Variants in USP10 observed in about 807,000 individuals in gnomAD.
USP10 encodes the protein ubiquitin specific peptidase 10.
Under a neutral mutation model 84.5 loss-of-function variants are expected in USP10, and 22 were observed. The ratio of observed to expected loss-of-function variants is 0.26; its 90% CI spans 0.19 to 0.37. The LOEUF (loss-of-function observed/expected upper bound fraction) is 0.37. Among genes scored for constraint, USP10 ranks in the 10% least tolerant of loss-of-function variants. The probability of loss-of-function intolerance (pLI) is 1.00; values close to 1 mark genes in which losing one functional copy is unlikely to be tolerated. For synonymous variants in USP10, 454 were observed against 387.6 expected, an observed-to-expected ratio of 1.17 and a Z score of -2.01; for missense variants, 1,019 against 998.9, an observed-to-expected ratio of 1.02 and a Z score of -0.27.
intron 1 of USP10, among the ~76,000 whole-genome samples, chr16:84,727,698 G>GC (rs1908685561): frequency 6.6e-6 from 1 of 152,194 alleles, no homozygotes; most frequent in African/African-American, 2.4e-5. Flanking sequence ...GCTAACAAAT[G>GC]CAAATATACA....
At chr16:84,778,091 C>CGTGTGTGTGTGTGTG (rs1555551161) in intron 13 of USP10, among the ~76,000 whole-genome samples, 9 of 143,432 alleles carry the variant, frequency 6.3e-5, no homozygotes, top group African/African-American at 2.3e-4. Flanking sequence ...AAGTAAATAA[C>CGTGTGTGTGTGTGTG]TGTGTGTGTG....
At chr16:84,700,555 TG>T (rs1272099475) in intron 1 of USP10, among the ~76,000 whole-genome samples, 1 of 152,108 alleles carries the variant, frequency 6.6e-6, no homozygotes, top group Non-Finnish European at 1.5e-5. Context: ...CTCAGAGATT[TG>T]GGGGTGCCCT....
chr16:84,712,477 T>G (rs1259118541), intron 1 of USP10, among the ~76,000 whole-genome samples: 2 of 152,180 alleles, frequency 1.3e-5, no homozygotes, highest in Non-Finnish European at 2.9e-5. Flanking sequence ...TTGGATCGGT[T>G]AATTGGCAGG....
intron 4 of USP10, among the ~76,000 whole-genome samples, chr16:84,752,657 G>A (rs1912068972): frequency 6.6e-6 from 1 of 152,208 alleles, no homozygotes; most frequent in Admixed American, 6.5e-5. Flanking sequence ...GATAACAATA[G>A]GATTCATTCA....
chr16:84,739,334 C>T (rs1183643435), intron 2 of USP10, among the ~76,000 whole-genome samples: 11 of 151,984 alleles, frequency 7.2e-5, no homozygotes, highest in South Asian at 2.1e-4. Flanking sequence ...TGCAGTGGCG[C>T]GATCTCGGCT....
At chr16:84,758,869 A>G in intron 5 of USP10, 62 bp downstream of exon 5, 1 of 1,241,408 alleles carries the variant, frequency 8.1e-7, no homozygotes, top group Non-Finnish European at 1.2e-6. Flanking sequence ...CTTTGGGTGC[A>G]TGTGACTTAG....
chr16:84,758,826 G>A lies in USP10; in HGVS notation c.1284+19G>A, dbSNP rs1188058552. The stretch of plus-strand genomic sequence containing the variant: ...TAATGCTGTATCCTTCCTGGACGCC[G>A]TCCGCAAGGCCAGCTTGTTGCAGCT... On this transcript the variant is annotated intron_variant, in intron 5 of 13. Coordinates refer to ENST00000219473, the MANE Select transcript of USP10 (RefSeq NM_005153.3). The A allele has an allele frequency of 4.4e-6, 7 of 1,577,330 alleles. No homozygotes were observed. Among genetic ancestry groups the A allele is most frequent in the East Asian group, 4.5e-5 (2 of 44,738 alleles).
intron 1 of USP10, among the ~76,000 whole-genome samples, chr16:84,731,015 C>CT (rs1244529082): frequency 7.9e-6 from 1 of 126,548 alleles, no homozygotes; most frequent in Non-Finnish European, 1.6e-5. Flanking sequence ...GAATCTCTCT[C>CT]TGTCAGCAGG....
rs11373757 is a variant in USP10, at chr16:84,764,931, G to GAGAGAAAAAAAAA, written c.1832+669_1832+670insGAGAAAAAAAAAA. 3.6e-4 allele frequency among the ~76,000 whole-genome samples: 14 copies of GAGAGAAAAAAAAA among 39,264 alleles called. No homozygotes were observed. In the East Asian group the frequency reaches 9.3e-3, roughly 26 times the overall value. The allele number at this position is 39,264 out of a possible 152,430, so 25.8% of individuals were successfully genotyped here. A position where few individuals can be genotyped will look rare whatever the true frequency, so the allele number is the denominator to read the frequency against. On this transcript the variant is annotated intron_variant, in intron 10 of 13. Coordinates refer to ENST00000219473, the MANE Select transcript of USP10 (RefSeq NM_005153.3). The stretch of plus-strand genomic sequence containing the variant: ...ATAAACAATAACCACGAGAGAGAGA[G>GAGAGAAAAAAAAA]AAAAAAAAATATATATATATATATT...
intron 3 of USP10, among the ~76,000 whole-genome samples, chr16:84,742,695 T>G (rs11647467): frequency 0.12 from 18,048 of 152,268 alleles, 1,419 homozygotes; most frequent in African/African-American, 0.23. Flanking sequence ...GGCTCTGAGC[T>G]CTCTGCCATG....
rs530012035 is a variant in USP10 at position 84,715,637 on chromosome 16, C to CTT, written c.21+15535_21+15536dup. 5.4e-5 allele frequency among the ~76,000 whole-genome samples: 8 copies of CTT among 147,972 alleles called. No individual in the cohort carries two copies. In the East Asian group the frequency reaches 1.6e-3, roughly 29 times the overall value. On this transcript the variant is annotated intron_variant, in intron 1 of 13. Transcript: ENST00000219473. Reference sequence around the variant, plus strand: ...CCATTTATGTGTTAGGGTGCCCTCCCTTTTTTTTTTAAAAAAACAAACAAG... The same window carrying CTT: ...CCATTTATGTGTTAGGGTGCCCTCCCTTTTTTTTTTTTAAAAAAACAAACAAG...
intron 1 of USP10, among the ~76,000 whole-genome samples, chr16:84,726,210 G>A (rs538442459): frequency 1.6e-4 from 24 of 152,126 alleles, no homozygotes; most frequent in Non-Finnish European, 3.1e-4. Flanking sequence ...GTGCTGCAGC[G>A]CCCCCTAGTG....
chr16:84,704,316 G>C (rs1905222599), intron 1 of USP10, among the ~76,000 whole-genome samples: 1 of 152,222 alleles, frequency 6.6e-6, no homozygotes, highest in South Asian at 2.1e-4. Context: ...GGAAGAGCTT[G>C]CTTTTGAATT....
rs1904800991 is a variant in USP10, at chr16:84,701,039, A to T, written c.21+928A>T. 1.3e-5 allele frequency among the ~76,000 whole-genome samples: 2 copies of T among 152,168 alleles called. 1 individual carries two copies. Among genetic ancestry groups the T allele is most frequent in the South Asian group, 4.1e-4 (2 of 4,830 alleles). ...ATAAATTGTTGCACACTTTTAAACC[A>T]TCTCATTGTGTATTTGTATTAAATA... On this transcript the variant is annotated intron_variant, in intron 1 of 13. Transcript: ENST00000219473.
At chr16:84,760,096 T>C in intron 7 of USP10, 76 bp from the exon 8 acceptor site, 1 of 1,528,660 alleles carries the variant, frequency 6.5e-7, no homozygotes, top group Admixed American at 1.9e-5. Context: ...GGTGGGGGAG[T>C]TTTGATGATG....
At chr16:84,770,771 CCA>C (rs576594435) in intron 11 of USP10, among the ~76,000 whole-genome samples, 7,761 of 133,066 alleles carry the variant, frequency 0.058, 343 homozygotes, top group Non-Finnish European at 0.091. Context: ...GACTCCGTCC[CCA>C]AAAAAAAAAA....
At chr16:84,778,136 T>C (rs1415962752) in intron 13 of USP10, among the ~76,000 whole-genome samples, 1 of 150,720 alleles carries the variant, frequency 6.6e-6, no homozygotes. Context: ...TGTTAAAACA[T>C]AGAAAAATGG....
chr16:84,704,668 T>C, intron 1 of USP10: 1 of 1,445,896 alleles, frequency 6.9e-7, no homozygotes, highest in East Asian at 2.5e-5. Context: ...GTAGAATTTA[T>C]CATAAACCTC....
intron 1 of USP10, among the ~76,000 whole-genome samples, chr16:84,731,759 C>G (rs1039061664): frequency 4.7e-5 from 7 of 149,936 alleles, no homozygotes; most frequent in African/African-American, 1.7e-4. Context: ...CGAACACTTT[C>G]ATGATCTCTG....
Sources: allele counts gnomAD v4.1 joint callset (sites outside exome capture counted in the v4.1 genomes callset), GRCh38; gene constraint gnomAD v4.1.1; transcripts MANE v1.5; gene names NCBI Gene and HGNC (gene_info 2026-07-23, HGNC 2026-07-21).